PTPRS: variants seen among roughly 807,000 people sequenced by gnomAD.
The protein encoded by PTPRS is protein tyrosine phosphatase receptor type S, also known as receptor-type tyrosine-protein phosphatase S.
PTPRS carries 63 observed loss-of-function variants against 215.3 expected under a neutral mutation model. The observed-to-expected ratio is 0.29, with a 90% CI of 0.24 to 0.36. The LOEUF (loss-of-function observed/expected upper bound fraction) is 0.36, where lower values mean the gene tolerates loss of function less well. PTPRS is among the 10% of genes least tolerant of loss of function. PTPRS has a pLI of 1.00. For missense variants in PTPRS, 2,258 were observed against 2,825.8 expected (o/e 0.80, Z 4.56); for synonymous variants, 1,404 against 1,191.4 (o/e 1.18, Z -3.68).
intron 1 of PTPRS, among the ~76,000 whole-genome samples, chr19:5,336,273 G>C (rs28517590): frequency 1.0e-3 from 121 of 121,514 alleles, no homozygotes; most frequent in African/African-American, 2.5e-3. Context: ...AGGGGGGGGG[G>C]CGGGGGGGAA....
At chr19:5,275,393 T>C (rs1191289206) in intron 2 of PTPRS, among the ~76,000 whole-genome samples, 1 of 151,802 alleles carries the variant, frequency 6.6e-6, no homozygotes, top group Non-Finnish European at 1.5e-5. Context: ...CTTTTCTTTT[T>C]TTTTTTCCTG....
chr19:5,249,982 C>T (rs2044850622), intron 9 of PTPRS, among the ~76,000 whole-genome samples: 1 of 152,160 alleles, frequency 6.6e-6, no homozygotes, highest in African/African-American at 2.4e-5. Context: ...GAAGTAGAGA[C>T]AAGGGGATAC....
At chr19:5,279,953 G>C (rs1400958007) in intron 2 of PTPRS, among the ~76,000 whole-genome samples, 1 of 152,212 alleles carries the variant, frequency 6.6e-6, no homozygotes, top group Admixed American at 6.5e-5. Context: ...AAAGTGCTGG[G>C]ATTACAGGCG....
At chr19:5,296,734 G>T (rs2049147563) in intron 1 of PTPRS, among the ~76,000 whole-genome samples, 1 of 140,496 alleles carries the variant, frequency 7.1e-6, no homozygotes, top group Non-Finnish European at 1.6e-5. Flanking sequence ...GGAGGGAGGG[G>T]AGGGAAGGAA....
At chr19:5,223,508 G>A (rs540940847) in intron 17 of PTPRS, among the ~76,000 whole-genome samples, 14 of 151,244 alleles carry the variant, frequency 9.3e-5, no homozygotes, top group Non-Finnish European at 1.3e-4. Flanking sequence ...TTCCTGCCTC[G>A]GCCTCCCAAA....
At chr19:5,269,192 C>G (rs2046691355) in intron 4 of PTPRS, among the ~76,000 whole-genome samples, 1 of 152,088 alleles carries the variant, frequency 6.6e-6, no homozygotes, top group African/African-American at 2.4e-5. Context: ...TTGCCCGTGC[C>G]CACGTGTCCA....
intron 20 of PTPRS, 43 bp downstream of exon 20, chr19:5,220,957 T>G: frequency 1.9e-6 from 3 of 1,569,404 alleles, no homozygotes; most frequent in Non-Finnish European, 2.6e-6. Flanking sequence ...TATAGTAGGC[T>G]GATGGGGGTG....
At chr19:5,271,111 T>C (rs1334581264) in intron 4 of PTPRS, among the ~76,000 whole-genome samples, 27 of 152,224 alleles carry the variant, frequency 1.8e-4, no homozygotes, top group Non-Finnish European at 1.5e-5. Flanking sequence ...TAGCCTCATC[T>C]TGGGAAGCCA....
intron 2 of PTPRS, among the ~76,000 whole-genome samples, chr19:5,281,210 C>T (rs2047821332): frequency 6.6e-6 from 1 of 152,040 alleles, no homozygotes; most frequent in African/African-American, 2.4e-5. Flanking sequence ...CCTGTAATCC[C>T]AGCACTTTGG....
intron 17 of PTPRS, among the ~76,000 whole-genome samples, chr19:5,224,248 C>G (rs1167258617): frequency 4.6e-5 from 7 of 152,150 alleles, no homozygotes; most frequent in Non-Finnish European, 8.8e-5. Flanking sequence ...AGAGAGGGAA[C>G]CACGAGAAGA....
chr19:5,220,958 G>A (rs1568397219), intron 20 of PTPRS, 42 bp downstream of exon 20: 4 of 1,570,804 alleles, frequency 2.5e-6, no homozygotes, highest in Non-Finnish European at 3.5e-6. Context: ...ATAGTAGGCT[G>A]ATGGGGGTGA....
At chr19:5,275,173 C>G (rs770174205) in intron 2 of PTPRS, among the ~76,000 whole-genome samples, 1 of 151,344 alleles carries the variant, frequency 6.6e-6, no homozygotes, top group Non-Finnish European at 1.5e-5. Context: ...CAGGTTCAAG[C>G]GATTCTCCTG....
rs747844492 is a variant in PTPRS, at chr19:5,223,301, C to A, written c.2495-4G>T. 6.9e-7 allele frequency: 1 copy of A among 1,449,238 alleles called. No individual in the cohort carries two copies. The highest frequency in any genetic ancestry group is 9.0e-7 in the Non-Finnish European group (1 of 1,108,854). 89.8% of individuals were successfully genotyped at this position (1,449,238 alleles called of 1,614,324 possible). On this transcript the variant is annotated splice_region_variant and splice_polypyrimidine_tract_variant and intron_variant, in intron 17 of 37. Transcript: ENST00000262963. ...GACAGGGTTGGGCGGCCCAGCACTGCGGGGATACGGGGCAGGTGTCAGGGT... is the reference window on the plus strand; with the variant it reads ...GACAGGGTTGGGCGGCCCAGCACTGAGGGGATACGGGGCAGGTGTCAGGGT...
At position 5,286,467 on chromosome 19, in the gene PTPRS, G is replaced by T. The variant is rs759424887; in HGVS notation, c.-94-233C>A. On this transcript the variant is annotated intron_variant, in intron 1 of 37. Transcript: ENST00000262963. ...TATGTTGAAACCTAGTCCCCACTATGATGGTAACAGGAGATGGAGTGTTTG... is the reference window on the plus strand; with the variant it reads ...TATGTTGAAACCTAGTCCCCACTATTATGGTAACAGGAGATGGAGTGTTTG... 8.5e-6 allele frequency: 3 copies of T among 353,846 alleles called. No homozygotes were observed. The Admixed American group carries it at 1.1e-4, about 13-fold the overall frequency. The allele number at this position is 353,846 out of a possible 1,614,324, so 21.9% of individuals were successfully genotyped here. A position where few individuals can be genotyped will look rare whatever the true frequency, so the allele number is the denominator to read the frequency against.
At chr19:5,226,307 G>A (rs529845987) in intron 16 of PTPRS, among the ~76,000 whole-genome samples, 1 of 152,204 alleles carries the variant, frequency 6.6e-6, no homozygotes, top group East Asian at 1.9e-4. Context: ...CAGGCCCTTT[G>A]GCACTGGCCT....
intron 3 of PTPRS, among the ~76,000 whole-genome samples, 197 bp downstream of exon 3, chr19:5,274,002 G>T (rs2047143749): frequency 6.6e-6 from 1 of 152,228 alleles, no homozygotes; most frequent in Non-Finnish European, 1.5e-5. Context: ...GGCTTTGCTT[G>T]AGGCCACACA....
At position 5,229,723 on chromosome 19, in the gene PTPRS, G is replaced by A. The variant is rs1389181195; in HGVS notation, c.2156-39C>T. ...GGGGAGGGGAGGGGCGGGCGGAGCC[G>A]TTACCAGGGCGCCCGGCCCTGCCCC... is the stretch of plus-strand genomic sequence containing the variant. On this transcript the variant is annotated intron_variant, in intron 14 of 37. Transcript: ENST00000262963. The A allele has an allele frequency of 1.3e-5, 16 of 1,198,154 alleles. 1 individual carries two copies. The Middle Eastern group carries it at 9.6e-4, about 72-fold the overall frequency. 74.2% of individuals were successfully genotyped at this position (1,198,154 alleles called of 1,614,324 possible). A position where few individuals can be genotyped will look rare whatever the true frequency, so the allele number is the denominator to read the frequency against.
At chr19:5,207,775 C>T in intron 37 of PTPRS, 147 bp downstream of exon 37, 4 of 1,196,222 alleles carry the variant, frequency 3.3e-6, no homozygotes, top group Non-Finnish European at 4.7e-6. Context: ...GGTCCCCTTC[C>T]AGTGCGGGAG....
intron 6 of PTPRS, 27 bp from the exon 7 acceptor site, chr19:5,260,849 T>C (rs1209790643): frequency 6.2e-6 from 10 of 1,604,640 alleles, no homozygotes; most frequent in Non-Finnish European, 7.6e-6. Context: ...GAGAACCAGG[T>C]GAATGTCACA....
Sources: allele counts gnomAD v4.1 joint callset (sites outside exome capture counted in the v4.1 genomes callset), GRCh38; gene constraint gnomAD v4.1.1; transcripts MANE v1.5; gene names NCBI Gene and HGNC (gene_info 2026-07-23, HGNC 2026-07-21).